USP48: variants seen among roughly 807,000 people sequenced by gnomAD.
USP48 encodes ubiquitin specific peptidase 48, also known as ubiquitin carboxyl-terminal hydrolase 48.
In USP48, 43 loss-of-function variants were observed where a neutral mutation model predicts 150.7. The observed-to-expected ratio is 0.29, with a 90% CI of 0.22 to 0.37. The LOEUF is 0.37. USP48 is among the 10% of genes least tolerant of loss of function. The probability of loss-of-function intolerance (pLI) is 1.00; values close to 1 mark genes in which losing one functional copy is unlikely to be tolerated. For missense variants in USP48, 813 were observed against 1,249.6 expected (o/e 0.65, Z 5.27); for synonymous variants, 396 against 425.9 (o/e 0.93, Z 0.86).
intron 1 of USP48, among the ~76,000 whole-genome samples, chr1:21,765,610 C>CT (rs993005128): frequency 1.8e-4 from 7 of 38,566 alleles, no homozygotes; most frequent in African/African-American, 5.7e-4. Context: ...GAGCGAGACT[C>CT]TGTCAAAAAA....
At chr1:21,756,474 CAAAAAAAA>C in intron 3 of USP48, 64 bp downstream of exon 3, 5 of 1,175,314 alleles carry the variant, frequency 4.3e-6, no homozygotes, top group Non-Finnish European at 5.6e-6. Flanking sequence ...GAGGAAGACT[CAAAAAAAA>C]AAAAAAAAAA....
chr1:21,735,463 C>G (rs1204243037), intron 9 of USP48, among the ~76,000 whole-genome samples: 1 of 152,084 alleles, frequency 6.6e-6, no homozygotes, highest in African/African-American at 2.4e-5. Context: ...ACATTTTTGC[C>G]AGGTTGGCCG....
chr1:21,680,774 C>A (rs111302043), intron 26 of USP48, 34 bp downstream of exon 26: 1 of 1,570,646 alleles, frequency 6.4e-7, no homozygotes, highest in Non-Finnish European at 8.6e-7. Context: ...ATGACTCTGA[C>A]ATTCATGAAC....
chr1:21,694,213 G>A (rs1242049666), intron 23 of USP48, among the ~76,000 whole-genome samples: 1 of 152,058 alleles, frequency 6.6e-6, no homozygotes, highest in East Asian at 1.9e-4. Context: ...TGAGGGGGAT[G>A]GAGAGGACAT....
At chr1:21,732,581 G>T in intron 9 of USP48, 1 of 210,666 alleles carries the variant, frequency 4.7e-6, no homozygotes, top group South Asian at 5.6e-5. Context: ...CAATTATGTA[G>T]TAATATTCAT....
chr1:21,781,754 G>A (rs4654984), intron 1 of USP48: 149,499 of 152,386 alleles, frequency 0.98, 73,386 homozygotes, highest in Non-Finnish European at 1. Flanking sequence ...AGAACTATTA[G>A]TAGTTTACAT....
At chr1:21,745,296 T>C (rs188904407) in intron 8 of USP48, among the ~76,000 whole-genome samples, 12 of 152,112 alleles carry the variant, frequency 7.9e-5, no homozygotes, top group South Asian at 2.1e-4. Context: ...TTTATTTATT[T>C]ATTCATTCAT....
chr1:21,679,735 G>A (rs917427357), intron 26 of USP48, among the ~76,000 whole-genome samples: 7 of 151,996 alleles, frequency 4.6e-5, no homozygotes, highest in African/African-American at 9.7e-5. Context: ...CACTCTTGTC[G>A]CCCAGGCTGG....
intron 1 of USP48, among the ~76,000 whole-genome samples, chr1:21,766,855 A>C (rs1275639925): frequency 2.6e-5 from 4 of 152,118 alleles, no homozygotes; most frequent in Non-Finnish European, 5.9e-5. Flanking sequence ...ACTTGAGGTC[A>C]GGAGTTCCAG....
chr1:21,732,686 C>A (rs916972502), intron 9 of USP48: 1 of 375,916 alleles, frequency 2.7e-6, no homozygotes, highest in Non-Finnish European at 5.1e-6. Flanking sequence ...GAATAAAATT[C>A]TGTAGGGTAA....
intron 14 of USP48, among the ~76,000 whole-genome samples, chr1:21,717,448 A>C (rs997716818): frequency 7.8e-5 from 5 of 63,952 alleles, no homozygotes; most frequent in Non-Finnish European, 2.1e-4. Flanking sequence ...ATAAAAAAAA[A>C]CCCAACCAAC....
intron 1 of USP48, among the ~76,000 whole-genome samples, chr1:21,763,700 A>G (rs1307666442): frequency 6.6e-6 from 1 of 152,160 alleles, no homozygotes; most frequent in East Asian, 1.9e-4. Context: ...CTGTAATTCC[A>G]GCTACTCAGG....
Position 21,703,644 on chromosome 1 carries a change from A to G in USP48, c.2516-26T>C, listed in dbSNP as rs760481908. ...CTTTGGGGGAAAAAAAAAAAGGGAAAACAGAAGTGGCTGAGGAATCATTGT... is the reference window on the plus strand; with the variant it reads ...CTTTGGGGGAAAAAAAAAAAGGGAAGACAGAAGTGGCTGAGGAATCATTGT... On this transcript the variant is annotated intron_variant, in intron 20 of 26. Coordinates refer to ENST00000308271, the MANE Select transcript of USP48 (RefSeq NM_032236.8). 6.4e-5 allele frequency: 97 copies of G among 1,504,958 alleles called. 2 individuals are homozygous for G. The South Asian group carries it at 1.0e-3, about 16-fold the overall frequency. The allele number at this position is 1,504,958 out of a possible 1,614,324, so 93.2% of individuals were successfully genotyped here.
intron 1 of USP48, among the ~76,000 whole-genome samples, chr1:21,765,997 T>C (rs951743293): frequency 3.5e-5 from 5 of 144,228 alleles, no homozygotes; most frequent in East Asian, 2.0e-4. Flanking sequence ...AAGAAATCAA[T>C]AGAACTGGGG....
At chr1:21,742,771 G>A (rs1480186525) in intron 8 of USP48, among the ~76,000 whole-genome samples, 2 of 152,066 alleles carry the variant, frequency 1.3e-5, no homozygotes, top group African/African-American at 4.8e-5. Context: ...CCAAATGCCT[G>A]ACAGAAATAA....
chr1:21,712,615 G>A (rs188114660), intron 15 of USP48, among the ~76,000 whole-genome samples: 299 of 149,414 alleles, frequency 2.0e-3, no homozygotes, highest in Non-Finnish European at 2.9e-3. Context: ...AAAAACAAAG[G>A]TAGAAAACTA....
intron 6 of USP48, 143 bp downstream of exon 6, chr1:21,751,364 C>T: frequency 1.5e-6 from 1 of 651,610 alleles, no homozygotes; most frequent in Non-Finnish European, 2.7e-6. Context: ...CATAAAGTGT[C>T]TTCTGGATCA....
Position 21,729,746 on chromosome 1 carries a change from G to C in USP48, c.1258C>G (p.Leu420Val). 3 of 1,614,064 alleles carry C rather than the reference G, an allele frequency of 1.9e-6. No individual in the cohort carries two copies. The highest frequency in any genetic ancestry group is 2.5e-6 in the Non-Finnish European group (3 of 1,179,962). Residue 420 changes from leucine to valine, a missense_variant, in exon 10 of 27, where the codon CTG becomes GTG. Coordinates refer to ENST00000308271, the MANE Select transcript of USP48 (RefSeq NM_032236.8). ...SRNAYMLVYRLQTQEKPNTTV... is the reference protein window; with the variant it reads ...SRNAYMLVYRVQTQEKPNTTV... ...GTGTTGGGCTTTTCTTGAGTTTGCA[G>C]TCTATAAACCAACATATATGCATTT...
At chr1:21,732,250 G>C (rs145602579) in intron 9 of USP48, among the ~76,000 whole-genome samples, 1,872 of 145,584 alleles carry the variant, frequency 0.013, 17 homozygotes, top group African/African-American at 0.021. Flanking sequence ...CTGCACTCCA[G>C]CCTGGGCGAC....
Sources: allele counts gnomAD v4.1 joint callset (sites outside exome capture counted in the v4.1 genomes callset), GRCh38; gene constraint gnomAD v4.1.1; transcripts MANE v1.5; gene names NCBI Gene and HGNC (gene_info 2026-07-23, HGNC 2026-07-21).